SETD4: variants seen among roughly 807,000 people sequenced by gnomAD.
SETD4 encodes SET domain containing 4, also known as SET domain-containing protein 4.
SETD4 carries 46 observed loss-of-function variants against 58.3 expected under a neutral mutation model. That is an observed-to-expected ratio of 0.79 (90% CI 0.62 to 1.01). The LOEUF is 1.01. Ranked by LOEUF, SETD4 falls within the 50% of genes least tolerant of loss-of-function variation. The pLI, the probability that SETD4 is intolerant of heterozygous loss-of-function variation, is 0.00. For missense variants in SETD4, 490 were observed against 523.3 expected, an observed-to-expected ratio of 0.94 and a Z score of 0.62; for synonymous variants, 190 against 202.6, an observed-to-expected ratio of 0.94 and a Z score of 0.53.
At chr21:36,054,045 C>T (rs919033711) in intron 3 of SETD4, among the ~76,000 whole-genome samples, 2 of 152,158 alleles carry the variant, frequency 1.3e-5, no homozygotes, top group Non-Finnish European at 2.9e-5. Flanking sequence ...GACCTTGAGA[C>T]CCCTTTGATT....
intron 4 of SETD4, chr21:36,050,801 T>A: frequency 6.2e-7 from 1 of 1,611,642 alleles, no homozygotes; most frequent in South Asian, 1.1e-5. Flanking sequence ...TCCAGAAGTA[T>A]GTTAAAGAGT....
chr21:36,039,312 T>G (rs541552446), intron 9 of SETD4, among the ~76,000 whole-genome samples: 19 of 152,268 alleles, frequency 1.2e-4, no homozygotes, highest in Admixed American at 9.8e-4. Flanking sequence ...CAGAAAGAAC[T>G]GAAACGCCCC....
intron 2 of SETD4, chr21:36,057,487 A>C: frequency 1.6e-6 from 1 of 611,930 alleles, no homozygotes; most frequent in Non-Finnish European, 3.0e-6. Flanking sequence ...TCTTAAAAAA[A>C]AAAAAAATAC....
At chr21:36,057,862 T>C (rs1057140290) in intron 2 of SETD4, among the ~76,000 whole-genome samples, 2 of 152,204 alleles carry the variant, frequency 1.3e-5, no homozygotes. Flanking sequence ...TTTCAATAAA[T>C]GATGATCAAA....
In SETD4 at chr21:36,034,800, T is replaced by C. The variant is rs1354688094; in HGVS notation, c.*1193A>G. On this transcript the variant is annotated 3_prime_UTR_variant, in exon 12 of 12. Transcript: ENST00000332131. ...ACAGGTCCAGAAAGCTTCAAATGGT[T>C]ACTATCGGGCCCTCCACAGAAGTCT... 1 of 152,050 alleles carries C rather than the reference T, an allele frequency of 6.6e-6. No homozygotes were observed. The highest frequency in any genetic ancestry group is 2.4e-5 in the African/African-American group (1 of 41,382). 9.4% of individuals were successfully genotyped at this position (152,050 alleles called of 1,614,324 possible).
chr21:36,056,627 T>G (rs112284450), intron 3 of SETD4, among the ~76,000 whole-genome samples: 1 of 152,176 alleles, frequency 6.6e-6, no homozygotes, highest in Admixed American at 6.5e-5. Context: ...GGCATGATCA[T>G]GGCTCTCTGC....
chr21:36,053,885 T>C (rs547283265), intron 3 of SETD4, among the ~76,000 whole-genome samples: 34 of 152,330 alleles, frequency 2.2e-4, no homozygotes, highest in African/African-American at 6.7e-4. Flanking sequence ...ACAGACCTAC[T>C]GCTGGGCCTC....
chr21:36,050,371 C>G (rs1352340886), intron 4 of SETD4: 1 of 1,613,778 alleles, frequency 6.2e-7, no homozygotes, highest in African/African-American at 1.3e-5. Context: ...GTGGTGCTGA[C>G]AATGGAGAAA....
At position 36,053,569 on chromosome 21, in the gene SETD4, A is replaced by G; in HGVS notation, c.207+14T>C. 1 of 1,614,064 alleles carries G rather than the reference A, an allele frequency of 6.2e-7. No individual in the cohort carries two copies. The highest frequency in any genetic ancestry group is 8.5e-7 in the Non-Finnish European group (1 of 1,179,934). ...ATCTACATTGGGTTTCAAGGATCAA[A>G]GAACAGTTCTCACCTGCAGGGATGT... On this transcript the variant is annotated intron_variant, in intron 4 of 11. Transcript: ENST00000332131.
chr21:36,054,341 A>T (rs1568935843), intron 3 of SETD4, among the ~76,000 whole-genome samples: 1 of 152,248 alleles, frequency 6.6e-6, no homozygotes, highest in Non-Finnish European at 1.5e-5. Context: ...TGCTCCTGGA[A>T]CAGTCAGACA....
intron 1 of SETD4, chr21:36,059,614 G>A: frequency 2.1e-6 from 1 of 474,292 alleles, no homozygotes; most frequent in Non-Finnish European, 2.8e-6. Context: ...CTTGATCTCA[G>A]GAGGCGGAAG....
intron 3 of SETD4, among the ~76,000 whole-genome samples, chr21:36,054,987 TGAGTCCCAATTCA>T (rs751763572): frequency 7.9e-5 from 12 of 152,266 alleles, no homozygotes; most frequent in Non-Finnish European, 1.6e-4. Context: ...TTGGATTTGA[TGAGTCCCAATTCA>T]TCTCCCCTCC....
chr21:36,057,969 C>T (rs58418669), intron 2 of SETD4, among the ~76,000 whole-genome samples: 2,500 of 152,300 alleles, frequency 0.016, 55 homozygotes, highest in African/African-American at 0.057. Context: ...TGGCCAAGCA[C>T]TTTTGTATTG....
rs1568896384 is a variant in SETD4, at chr21:36,036,271, TA to T, written c.1189-21del. On this transcript the variant is annotated intron_variant, in intron 10 of 11. Transcript: ENST00000332131. ...AGACACCTGAAAGTTATTTTTTAAT[TA>T]TTGTTATTGTAGTAAAACATATATA... 3 of 1,563,328 alleles carry T rather than the reference TA, an allele frequency of 1.9e-6. No homozygotes were observed.
intron 4 of SETD4, among the ~76,000 whole-genome samples, chr21:36,052,557 C>CA (rs35631970): frequency 0.13 from 6,653 of 49,658 alleles, 340 homozygotes; most frequent in Non-Finnish European, 0.18. Flanking sequence ...GACTCTGTCT[C>CA]AAAAAAAAAA....
rs1037558129 is a variant in SETD4 at position 36,034,804 on chromosome 21, A to T, written c.*1189T>A. ...GTCCAGAAAGCTTCAAATGGTTACTATCGGGCCCTCCACAGAAGTCTGCCC... is the reference window on the plus strand; with the variant it reads ...GTCCAGAAAGCTTCAAATGGTTACTTTCGGGCCCTCCACAGAAGTCTGCCC... On this transcript the variant is annotated 3_prime_UTR_variant, in exon 12 of 12. Coordinates refer to ENST00000332131, the MANE Select transcript of SETD4 (RefSeq NM_017438.5). The T allele has an allele frequency of 6.6e-6, 1 of 152,194 alleles. No homozygotes were observed. Among genetic ancestry groups the T allele is most frequent in the Non-Finnish European group, 1.5e-5 (1 of 68,054 alleles). The allele number at this position is 152,194 out of a possible 1,614,324, so 9.4% of individuals were successfully genotyped here. A position where few individuals can be genotyped will look rare whatever the true frequency, so the allele number is the denominator to read the frequency against.
chr21:36,056,315 A>G (rs1038938744), intron 3 of SETD4, among the ~76,000 whole-genome samples: 1 of 152,182 alleles, frequency 6.6e-6, no homozygotes, highest in Non-Finnish European at 1.5e-5. Context: ...ATTGTGTGGC[A>G]TATGCTTTGA....
rs1046398684 is a variant in SETD4 at position 36,060,467 on chromosome 21, G to A, written c.-157C>T. ...GGAACCGGCCAAAACTGCAGAGGGA[G>A]AGGCTGAAGGCTGTCGCGCCTGCCT... is the stretch of plus-strand genomic sequence containing the variant. On this transcript the variant is annotated 5_prime_UTR_variant, in exon 1 of 12. Transcript: ENST00000332131. 3 of 152,470 alleles carry A rather than the reference G, an allele frequency of 2.0e-5. No homozygotes were observed. Among genetic ancestry groups the A allele is most frequent in the African/African-American group, 4.8e-5 (2 of 41,470 alleles). 9.4% of individuals were successfully genotyped at this position (152,470 alleles called of 1,614,324 possible).
At chr21:36,051,466 T>G in intron 4 of SETD4, 1 of 1,383,680 alleles carries the variant, frequency 7.2e-7, no homozygotes, top group Non-Finnish European at 9.4e-7. Context: ...ATGCTGTTCA[T>G]GGAGGATGCT....
Sources: allele counts gnomAD v4.1 joint callset (sites outside exome capture counted in the v4.1 genomes callset), GRCh38; gene constraint gnomAD v4.1.1; transcripts MANE v1.5; gene names NCBI Gene and HGNC (gene_info 2026-07-23, HGNC 2026-07-21).